CORO2B: variants seen among roughly 807,000 people sequenced by gnomAD.
CORO2B encodes coronin 2B.
In CORO2B, 26 loss-of-function variants were observed where a neutral mutation model predicts 58.8. The observed-to-expected ratio is 0.44, with a 90% CI of 0.32 to 0.61. The LOEUF is 0.61. Among genes scored for constraint, CORO2B ranks in the 20% least tolerant of loss-of-function variants. The pLI, the probability that CORO2B is intolerant of heterozygous loss-of-function variation, is 0.04. For missense variants in CORO2B, 460 were observed against 645.1 expected (o/e 0.71, Z 3.11); for synonymous variants, 242 against 253.8 (o/e 0.95, Z 0.44).
In CORO2B at chr15:68,646,079, A is replaced by AT. The variant is rs796543366; in HGVS notation, c.216+729dup. On this transcript the variant is annotated intron_variant, in intron 2 of 11. Coordinates refer to ENST00000261861, the MANE Select transcript of CORO2B (RefSeq NM_006091.5). The stretch of plus-strand genomic sequence containing the variant: ...ATGAGCCACTGCACCTGGCCCACTC[A>AT]TTTTTTTTTTAATTGCTCTCTACTG... 3.1e-3 allele frequency among the ~76,000 whole-genome samples: 449 copies of AT among 146,648 alleles called. 3 individuals carry two copies. The highest frequency in any genetic ancestry group is 0.01 in the African/African-American group (402 of 39,880).
At chr15:68,583,133 A>T (rs1899471406) in intron 1 of CORO2B, among the ~76,000 whole-genome samples, 1 of 152,196 alleles carries the variant, frequency 6.6e-6, no homozygotes, top group Admixed American at 6.5e-5. Context: ...AGCAGGGCAC[A>T]GCCTGCTGAT....
In CORO2B at chr15:68,726,897, C is replaced by A. The variant is rs1893315974; in HGVS notation, c.*923C>A. 6.6e-6 allele frequency: 1 copy of A among 152,306 alleles called. No individual in the cohort carries two copies. The highest frequency in any genetic ancestry group is 1.5e-5 in the Non-Finnish European group (1 of 68,100). 9.4% of individuals were successfully genotyped at this position (152,306 alleles called of 1,614,324 possible). ...GAGAACTGGAAGCCACTGCTACCGTCTACCCAGCACCAGTAGTGCCGATGT... is the reference window on the plus strand; with the variant it reads ...GAGAACTGGAAGCCACTGCTACCGTATACCCAGCACCAGTAGTGCCGATGT... On this transcript the variant is annotated 3_prime_UTR_variant, in exon 12 of 12. Coordinates refer to ENST00000261861, the MANE Select transcript of CORO2B (RefSeq NM_006091.5).
Position 68,695,137 on chromosome 15 carries a change from C to T in CORO2B, c.217-3C>T. 6.2e-7 allele frequency: 1 copy of T among 1,610,556 alleles called. No homozygotes were observed. Among genetic ancestry groups the T allele is most frequent in the Non-Finnish European group, 8.5e-7 (1 of 1,176,936 alleles). On this transcript the variant is annotated splice_polypyrimidine_tract_variant and splice_region_variant and intron_variant, in intron 2 of 11. Coordinates refer to ENST00000261861, the MANE Select transcript of CORO2B (RefSeq NM_006091.5). ...TCTCTCTCTCTCTCTTTCTCCTCTGCAGACAGGCAGGATTGAACCCAACTA... is the reference window on the plus strand; with the variant it reads ...TCTCTCTCTCTCTCTTTCTCCTCTGTAGACAGGCAGGATTGAACCCAACTA...
At chr15:68,586,800 C>CA (rs1488717210) in intron 1 of CORO2B, among the ~76,000 whole-genome samples, 2 of 152,018 alleles carry the variant, frequency 1.3e-5, no homozygotes, top group Non-Finnish European at 2.9e-5. Context: ...GTGGAAGTGC[C>CA]AAGTTCAGTT....
intron 1 of CORO2B, among the ~76,000 whole-genome samples, chr15:68,617,334 C>G (rs1490263385): frequency 6.6e-6 from 1 of 152,262 alleles, no homozygotes; most frequent in Non-Finnish European, 1.5e-5. Context: ...CCACTTTTCA[C>G]TCTTCTGTGT....
chr15:68,669,263 C>T (rs545930276), intron 2 of CORO2B, among the ~76,000 whole-genome samples: 4 of 152,348 alleles, frequency 2.6e-5, no homozygotes, highest in African/African-American at 9.6e-5. Flanking sequence ...ACGCCCAGAC[C>T]ATGGCCTGTT....
chr15:68,619,317 T>A (rs567756106), intron 1 of CORO2B, among the ~76,000 whole-genome samples: 1 of 152,334 alleles, frequency 6.6e-6, no homozygotes, highest in East Asian at 1.9e-4. Flanking sequence ...TAGATTTTCA[T>A]CCTGCTGCAA....
intron 1 of CORO2B, among the ~76,000 whole-genome samples, chr15:68,581,629 G>A (rs954236681): frequency 2.6e-5 from 4 of 152,192 alleles, no homozygotes; most frequent in Admixed American, 1.3e-4. Flanking sequence ...CTTCTGCTGA[G>A]CCTTGGTGCA....
In CORO2B at chr15:68,726,544, A is replaced by C. The variant is rs67621638; in HGVS notation, c.*570A>C. 9 of 156,578 alleles carry C rather than the reference A, an allele frequency of 5.7e-5. No individual in the cohort carries two copies. Among genetic ancestry groups the C allele is most frequent in the South Asian group, 1.9e-4 (1 of 5,402 alleles). 9.7% of individuals were successfully genotyped at this position (156,578 alleles called of 1,614,324 possible). A position where few individuals can be genotyped will look rare whatever the true frequency, so the allele number is the denominator to read the frequency against. On this transcript the variant is annotated 3_prime_UTR_variant, in exon 12 of 12. Coordinates refer to ENST00000261861, the MANE Select transcript of CORO2B (RefSeq NM_006091.5). ...GCTCCTTTCTGTCTCTTCCCTTCCCACCCTCTTGTCTTCAGGGAATTCAGA... is the reference window on the plus strand; with the variant it reads ...GCTCCTTTCTGTCTCTTCCCTTCCCCCCCTCTTGTCTTCAGGGAATTCAGA...
chr15:68,572,107 GCCTT>G, the CORO2B span, among the ~76,000 whole-genome samples: 1 of 152,188 alleles, frequency 6.6e-6, no homozygotes, highest in Non-Finnish European at 1.5e-5. Context: ...GATCTCCAAG[GCCTT>G]CCTCCCAGTT....
chr15:68,705,435 TC>T (rs1181999633), intron 3 of CORO2B, among the ~76,000 whole-genome samples: 1,150 of 37,578 alleles, frequency 0.031, 17 homozygotes, highest in African/African-American at 0.099. Context: ...AAACTCTATC[TC>T]AAAAAAAAAA....
intron 1 of CORO2B, among the ~76,000 whole-genome samples, chr15:68,636,171 A>T (rs1901026468): frequency 6.6e-6 from 1 of 152,226 alleles, no homozygotes; most frequent in South Asian, 2.1e-4. Flanking sequence ...AGCACTAAAC[A>T]CACGTTGGCT....
the CORO2B span, among the ~76,000 whole-genome samples, chr15:68,547,057 T>A: frequency 6.6e-6 from 1 of 151,964 alleles, no homozygotes; most frequent in Admixed American, 6.6e-5. Context: ...AATGCAGAAA[T>A]CACAGCAAAT....
intron 2 of CORO2B, among the ~76,000 whole-genome samples, chr15:68,656,982 C>T (rs1901829355): frequency 6.6e-6 from 1 of 152,122 alleles, no homozygotes; most frequent in African/African-American, 2.4e-5. Flanking sequence ...CCAGTCCCCC[C>T]GATCCCCAGT....
chr15:68,641,683 TCCCAA>T (rs1401529176), intron 1 of CORO2B: 3 of 686,970 alleles, frequency 4.4e-6, no homozygotes. Flanking sequence ...CACTGGCTCC[TCCCAA>T]GCCCTTGGAG....
chr15:68,707,848 A>T (rs1314463484), intron 3 of CORO2B, among the ~76,000 whole-genome samples: 1 of 152,014 alleles, frequency 6.6e-6, no homozygotes, highest in Non-Finnish European at 1.5e-5. Flanking sequence ...TCACTTCCAG[A>T]CCAGTCTTCA....
At chr15:68,649,731 C>A (rs1566995695) in intron 2 of CORO2B, among the ~76,000 whole-genome samples, 1 of 152,112 alleles carries the variant, frequency 6.6e-6, no homozygotes, top group Non-Finnish European at 1.5e-5. Flanking sequence ...TTAAAAATAA[C>A]TTTTTTTAAG....
rs1893090181 is a variant in CORO2B at position 68,718,725 on chromosome 15, T to C, written c.995T>C (p.Val332Ala). 6.2e-7 allele frequency: 1 copy of C among 1,614,066 alleles called. No individual in the cohort carries two copies. Among genetic ancestry groups the C allele is most frequent in the Admixed American group, 1.7e-5 (1 of 60,006 alleles). The change falls in exon 9 of 12, where the codon GTG becomes GCG. Residue 332 changes from valine to alanine, a missense_variant. By Grantham distance (64) the Val-to-Ala change is moderately conservative. Around this residue, in one of 2 missense-constraint regions of CORO2B, gnomAD observed 352 missense variants for 543.0 expected, o/e 0.65. Coordinates refer to ENST00000261861, the MANE Select transcript of CORO2B (RefSeq NM_006091.5). ...LGVMPKHGLD[V>A]SACEVFRFYK... ...GTCATGCCCAAGCACGGGCTGGATG[T>C]GTCAGCCTGCGAGGTGTTCCGCTTC...
intron 2 of CORO2B, among the ~76,000 whole-genome samples, chr15:68,679,363 C>T (rs1163137278): frequency 6.6e-6 from 1 of 152,130 alleles, no homozygotes; most frequent in East Asian, 1.9e-4. Context: ...GGCAGCTGGC[C>T]ATGCTAGGCC....
Sources: gnomAD v4.1 joint callset for allele counts (sites outside exome capture counted in the v4.1 genomes callset) on GRCh38, gnomAD v4.1.1 for gene constraint, gnomAD v4.1.1 regional missense constraint, MANE v1.5 for transcripts, NCBI Gene and HGNC (gene_info 2026-07-23, HGNC 2026-07-21) for gene names.